The following KCNH7 variants were observed in gnomAD, a reference collection of about 807,000 sequenced individuals.
KCNH7 encodes the protein potassium voltage-gated channel subfamily H member 7, also known as voltage-gated inwardly rectifying potassium channel KCNH7.
A neutral mutation model predicts 120.8 loss-of-function variants in KCNH7; 49 were observed. That is an observed-to-expected ratio of 0.41 (90% CI 0.32 to 0.51). The LOEUF (loss-of-function observed/expected upper bound fraction) is 0.51, where lower values mean the gene tolerates loss of function less well. Among genes scored for constraint, KCNH7 ranks in the 20% least tolerant of loss-of-function variants. The pLI, the probability that KCNH7 is intolerant of heterozygous loss-of-function variation, is 0.38. For missense variants in KCNH7, 1,097 were observed against 1,446.6 expected, an observed-to-expected ratio of 0.76 and a Z score of 3.92; for synonymous variants, 547 against 516.1, an observed-to-expected ratio of 1.06 and a Z score of -0.81.
intron 2 of KCNH7, among the ~76,000 whole-genome samples, chr2:162,777,429 T>G (rs1185059701): frequency 1.3e-5 from 2 of 152,136 alleles, no homozygotes; most frequent in African/African-American, 2.4e-5. Context: ...CTTTTTATTG[T>G]CAATATTTTT....
chr2:162,394,428 T>G lies in KCNH7; in HGVS notation c.2671A>C (p.Arg891=). 6.2e-7 allele frequency: 1 copy of G among 1,606,578 alleles called. No homozygotes were observed. Among genetic ancestry groups the G allele is most frequent in the Non-Finnish European group, 8.5e-7 (1 of 1,174,010 alleles). Residue 891 remains arginine (R), a synonymous_variant, in exon 12 of 16, where the codon AGA becomes CGA. Coordinates refer to ENST00000332142, the MANE Select transcript of KCNH7 (RefSeq NM_033272.4). ...CTTTCAAATGACAATTTCCTTCTTC[T>G]TAGTTTACAGTTGTCTCCTTCTGAA... The part of the protein sequence containing the change: ...NDSEGDNCKL[R]RRKLSFESEG...
chr2:162,628,305 TATTAACC>T (rs1683629159), intron 2 of KCNH7, among the ~76,000 whole-genome samples: 3 of 152,064 alleles, frequency 2.0e-5, no homozygotes, highest in African/African-American at 7.2e-5. Flanking sequence ...AAGAAATTAG[TATTAACC>T]AGACACAAGC....
Position 162,606,431 on chromosome 2 carries a change from G to A in KCNH7, c.308-69351C>T, listed in dbSNP as rs549504182. On this transcript the variant is annotated intron_variant, in intron 2 of 15. Transcript: ENST00000332142. ...TTTAACCAGCAGTAAATGAAAAGTTGATTAATTTTTAAGTATTCATTCAGT... is the reference window on the plus strand; with the variant it reads ...TTTAACCAGCAGTAAATGAAAAGTTAATTAATTTTTAAGTATTCATTCAGT... Among the ~76,000 whole-genome samples the A allele has an allele frequency of 2.0e-5, 3 of 152,230 alleles. No individual in the cohort carries two copies. The East Asian group carries it at 5.8e-4, about 29-fold the overall frequency.
At chr2:162,639,318 T>C (rs116497502) in intron 2 of KCNH7, among the ~76,000 whole-genome samples, 14 of 152,150 alleles carry the variant, frequency 9.2e-5, no homozygotes, top group African/African-American at 3.1e-4. Context: ...GTAGGCACTT[T>C]TATTATCAAT....
At chr2:162,724,438 C>T (rs539920274) in intron 2 of KCNH7, among the ~76,000 whole-genome samples, 2 of 151,878 alleles carry the variant, frequency 1.3e-5, no homozygotes, top group East Asian at 3.9e-4. Flanking sequence ...TTTGGGAGGC[C>T]GAGGCGGGCG....
chr2:162,778,889 T>A lies in KCNH7; in HGVS notation c.307+57648A>T, dbSNP rs114618937. ...TATTCATTGAGTTATACGCATTTAC[T>A]ACTTGGCCAATTATTGACCCATTGA... is the stretch of plus-strand genomic sequence containing the variant. On this transcript the variant is annotated intron_variant, in intron 2 of 15. Transcript: ENST00000332142. 2.8e-3 allele frequency among the ~76,000 whole-genome samples: 420 copies of A among 152,158 alleles called. 1 individual carries two copies. The highest frequency in any genetic ancestry group is 9.6e-3 in the African/African-American group (397 of 41,526).
At chr2:162,469,829 A>G (rs572898702) in intron 6 of KCNH7, among the ~76,000 whole-genome samples, 2 of 151,974 alleles carry the variant, frequency 1.3e-5, no homozygotes, top group African/African-American at 4.8e-5. Context: ...GCCTCAGCCT[A>G]CCGAGTGCCT....
At chr2:162,408,961 T>A (rs370501754) in intron 9 of KCNH7, among the ~76,000 whole-genome samples, 1 of 151,746 alleles carries the variant, frequency 6.6e-6, no homozygotes, top group South Asian at 2.1e-4. Context: ...ACAGAAAAAC[T>A]TGTATTAAAA....
chr2:162,447,716 T>A (rs1481027371), intron 6 of KCNH7, among the ~76,000 whole-genome samples: 1 of 152,134 alleles, frequency 6.6e-6, no homozygotes, highest in Non-Finnish European at 1.5e-5. Flanking sequence ...TGTTTTAACT[T>A]GACTGTAGTA....
chr2:162,535,814 G>A (rs955600750), intron 3 of KCNH7, among the ~76,000 whole-genome samples: 46 of 151,852 alleles, frequency 3.0e-4, no homozygotes, highest in Middle Eastern at 6.8e-3. Context: ...GATTCTGAGC[G>A]ATAGATAGAT....
At chr2:162,384,578 G>T in intron 13 of KCNH7, 110 bp downstream of exon 13, 2 of 1,078,286 alleles carry the variant, frequency 1.9e-6, no homozygotes, top group Non-Finnish European at 1.4e-6. Context: ...ATTTCATGAA[G>T]TTGAGAACAA....
At chr2:162,384,474 C>A (rs1355842736) in intron 13 of KCNH7, among the ~76,000 whole-genome samples, 1 of 151,956 alleles carries the variant, frequency 6.6e-6, no homozygotes, top group African/African-American at 2.4e-5. Context: ...TCACGAAAAC[C>A]TCTCACTCTA....
At chr2:162,620,270 T>G (rs1039847202) in intron 2 of KCNH7, among the ~76,000 whole-genome samples, 1 of 151,316 alleles carries the variant, frequency 6.6e-6, no homozygotes, top group Non-Finnish European at 1.5e-5. Context: ...CATATATATA[T>G]GTATGTATAT....
At chr2:162,525,603 T>A (rs2105801455) in intron 3 of KCNH7, among the ~76,000 whole-genome samples, 1 of 152,102 alleles carries the variant, frequency 6.6e-6, no homozygotes, top group African/African-American at 2.4e-5. Context: ...ATGCATGCAA[T>A]ACCCATACTT....
intron 6 of KCNH7, among the ~76,000 whole-genome samples, chr2:162,488,749 A>T (rs887616873): frequency 6.6e-6 from 1 of 152,118 alleles, no homozygotes; most frequent in Admixed American, 6.5e-5. Context: ...CTTTCTAATA[A>T]ACTTTCCCTT....
chr2:162,720,132 A>T (rs1024695166), intron 2 of KCNH7, among the ~76,000 whole-genome samples: 3 of 152,002 alleles, frequency 2.0e-5, no homozygotes, highest in African/African-American at 7.2e-5. Context: ...GCATCTCTAC[A>T]GCAACTGTTT....
chr2:162,773,613 C>A (rs1161857846), intron 2 of KCNH7, among the ~76,000 whole-genome samples: 1 of 151,906 alleles, frequency 6.6e-6, no homozygotes, highest in Non-Finnish European at 1.5e-5. Flanking sequence ...ACAAAAAGCA[C>A]ATCAAGAAAC....
intron 2 of KCNH7, among the ~76,000 whole-genome samples, chr2:162,718,493 G>A (rs1214886408): frequency 1.3e-5 from 2 of 152,106 alleles, no homozygotes; most frequent in East Asian, 3.9e-4. Flanking sequence ...AAAGCCCACT[G>A]TAGAGAACAT....
intron 2 of KCNH7, chr2:162,769,071 T>C (rs1375580203): frequency 6.6e-6 from 1 of 152,178 alleles, no homozygotes; most frequent in Admixed American, 6.5e-5. Flanking sequence ...GGTTTAACTT[T>C]ATAGTAGGGT....
Sources: allele counts gnomAD v4.1 joint callset (sites outside exome capture counted in the v4.1 genomes callset), GRCh38; gene constraint gnomAD v4.1.1; transcripts MANE v1.5; gene names NCBI Gene and HGNC (gene_info 2026-07-23, HGNC 2026-07-21).